Variants in RNF220 observed in about 807,000 individuals in gnomAD.
The protein encoded by RNF220 is ring finger protein 220.
A neutral mutation model predicts 67.1 loss-of-function variants in RNF220; 7 were observed. That is an observed-to-expected ratio of 0.10 (90% CI 0.06 to 0.20). RNF220 has a LOEUF of 0.20. RNF220 is among the 10% of genes least tolerant of loss of function. The pLI is 1.00. For synonymous variants in RNF220, 270 were observed against 283.2 expected (o/e 0.95, Z 0.47); for missense variants, 565 against 740.3 (o/e 0.76, Z 2.75).
At chr1:44,405,665 G>C (rs539984101) in intron 1 of RNF220, 135 bp downstream of exon 1, 30 of 241,608 alleles carry the variant, frequency 1.2e-4, no homozygotes, top group Non-Finnish European at 7.1e-5. Context: ...CCCTCTGGAC[G>C]GGGGCAGGGA....
intron 3 of RNF220, among the ~76,000 whole-genome samples, chr1:44,618,078 C>T (rs1643637476): frequency 6.6e-6 from 1 of 152,214 alleles, no homozygotes; most frequent in African/African-American, 2.4e-5. Flanking sequence ...CCCCCCTCCA[C>T]TTGACTGCAT....
chr1:44,550,192 A>C (rs1662513753), intron 2 of RNF220, among the ~76,000 whole-genome samples: 1 of 152,212 alleles, frequency 6.6e-6, no homozygotes, highest in South Asian at 2.1e-4. Flanking sequence ...GTCCCTCCAC[A>C]GTCCCCTTGG....
intron 2 of RNF220, among the ~76,000 whole-genome samples, chr1:44,421,200 G>A (rs1302104111): frequency 6.6e-6 from 1 of 152,178 alleles, no homozygotes; most frequent in East Asian, 1.9e-4. Context: ...TTTGACTCGG[G>A]TTGGATATCT....
intron 9 of RNF220, 91 bp downstream of exon 9, chr1:44,644,885 C>T (rs41269055): frequency 0.011 from 16,933 of 1,501,944 alleles, 122 homozygotes; most frequent in Non-Finnish European, 0.014. Flanking sequence ...ACCTGCACCA[C>T]CCCCCGGGCC....
intron 2 of RNF220, among the ~76,000 whole-genome samples, chr1:44,547,061 C>G (rs962953641): frequency 1.3e-5 from 2 of 152,292 alleles, no homozygotes; most frequent in East Asian, 3.9e-4. Flanking sequence ...ATGCTTCCTC[C>G]AGGGTGCCTG....
intron 2 of RNF220, among the ~76,000 whole-genome samples, chr1:44,460,087 T>C (rs1312708909): frequency 6.6e-6 from 1 of 152,170 alleles, no homozygotes; most frequent in East Asian, 1.9e-4. Flanking sequence ...CAATTATAGC[T>C]TAATCCCAAC....
Position 44,412,275 on chromosome 1 carries a change from A to G in RNF220, c.178A>G (p.Ile60Val), listed in dbSNP as rs1352573134. The stretch of plus-strand genomic sequence containing the variant: ...TGTCTCAGTTGACAAGGACGTGCAT[A>G]TTCCTTTCACCAACGGTTCCTATAC... Reference protein sequence around the residue: ...VPVSVDKDVHIPFTNGSYTFA... With the variant: ...VPVSVDKDVHVPFTNGSYTFA... The change falls in exon 2 of 15, where the codon ATT becomes GTT. Residue 60 changes from isoleucine to valine, a missense_variant. Physicochemically the swap from Ile to Val is conservative, Grantham distance 29. Transcript: ENST00000361799. This position sits in a 1 kb window ranked among gnomAD's most constrained non-coding sequence, Gnocchi z 5.3. The G allele has an allele frequency of 6.8e-6, 11 of 1,614,056 alleles. No individual in the cohort carries two copies. The highest frequency in any genetic ancestry group is 8.5e-6 in the Non-Finnish European group (10 of 1,180,032).
At chr1:44,576,168 C>T (rs1244078157) in intron 2 of RNF220, among the ~76,000 whole-genome samples, 1 of 152,232 alleles carries the variant, frequency 6.6e-6, no homozygotes, top group Non-Finnish European at 1.5e-5. Flanking sequence ...GCAACAAATG[C>T]TTTCCAAGTC....
chr1:44,627,560 T>G (rs1643993822), intron 5 of RNF220, among the ~76,000 whole-genome samples: 1 of 151,510 alleles, frequency 6.6e-6, no homozygotes, highest in African/African-American at 2.4e-5. Flanking sequence ...TTCTCTGGAG[T>G]AGGAAGGACA....
intron 2 of RNF220, among the ~76,000 whole-genome samples, chr1:44,418,381 A>G (rs943829442): frequency 2.0e-5 from 3 of 152,148 alleles, no homozygotes; most frequent in Non-Finnish European, 4.4e-5. Context: ...TTTCGGCTTG[A>G]AATGTTTTTC....
At position 44,405,453 on chromosome 1, in the gene RNF220, T is replaced by C. The variant is rs1309016621; in HGVS notation, c.-195T>C. ...GCCGGCTCTGCGAACCCGGGACTTT[T>C]CATGCACCACACTCTCCGCCTGCTT... On this transcript the variant is annotated 5_prime_UTR_variant, in exon 1 of 15. Coordinates refer to ENST00000361799, the MANE Select transcript of RNF220 (RefSeq NM_018150.4). 3.3e-5 allele frequency: 20 copies of C among 600,608 alleles called. No individual in the cohort carries two copies. The highest frequency in any genetic ancestry group is 4.8e-5 in the Non-Finnish European group (16 of 335,870). The allele number at this position is 600,608 out of a possible 1,614,324, so 37.2% of individuals were successfully genotyped here. A position where few individuals can be genotyped will look rare whatever the true frequency, so the allele number is the denominator to read the frequency against.
chr1:44,455,458 CT>C (rs1311360338), intron 2 of RNF220, among the ~76,000 whole-genome samples: 2 of 152,120 alleles, frequency 1.3e-5, no homozygotes, highest in African/African-American at 2.4e-5. Context: ...TTCTAATAGT[CT>C]TGTTGCCAGT....
intron 2 of RNF220, among the ~76,000 whole-genome samples, chr1:44,554,845 C>T (rs528183237): frequency 6.6e-6 from 1 of 152,254 alleles, no homozygotes; most frequent in South Asian, 2.1e-4. Flanking sequence ...ATCTCCACTG[C>T]TTGGTTGTTC....
intron 2 of RNF220, among the ~76,000 whole-genome samples, chr1:44,607,048 C>G (rs1339987722): frequency 6.6e-6 from 1 of 152,186 alleles, no homozygotes; most frequent in Admixed American, 6.5e-5. Flanking sequence ...AAGCGAGAAA[C>G]CTTAGAGTCA....
chr1:44,522,406 A>G (rs908246425), intron 2 of RNF220, among the ~76,000 whole-genome samples: 3 of 152,196 alleles, frequency 2.0e-5, no homozygotes, highest in Non-Finnish European at 4.4e-5. Flanking sequence ...GCACCCAATA[A>G]ATGTGAGGCC....
intron 2 of RNF220, among the ~76,000 whole-genome samples, chr1:44,542,407 A>G (rs1661744396): frequency 6.6e-6 from 1 of 152,220 alleles, no homozygotes; most frequent in Non-Finnish European, 1.5e-5. Flanking sequence ...TGCCCTGCCC[A>G]TGCCCCTGTA....
At chr1:44,513,955 G>A (rs922008867) in intron 2 of RNF220, among the ~76,000 whole-genome samples, 1 of 152,242 alleles carries the variant, frequency 6.6e-6, no homozygotes, top group Non-Finnish European at 1.5e-5. Flanking sequence ...AAGAGCCTAA[G>A]AGAAGAAGGG....
At chr1:44,632,621 C>A in intron 6 of RNF220, 1 of 579,886 alleles carries the variant, frequency 1.7e-6, no homozygotes, top group Non-Finnish European at 3.1e-6. Context: ...CCTGAAGAAC[C>A]CTGGGGGGGC....
rs56375404 is a variant in RNF220, at chr1:44,597,468, GCACACACACACACACACACA to G, written c.626-16673_626-16654del. 2.5e-3 allele frequency among the ~76,000 whole-genome samples: 340 copies of G among 135,744 alleles called. 3 individuals carry two copies. Among genetic ancestry groups the G allele is most frequent in the African/African-American group, 9.0e-3 (327 of 36,186 alleles). 89.1% of individuals were successfully genotyped at this position (135,744 alleles called of 152,430 possible). On this transcript the variant is annotated intron_variant, in intron 2 of 14. Coordinates refer to ENST00000361799, the MANE Select transcript of RNF220 (RefSeq NM_018150.4). The stretch of plus-strand genomic sequence containing the variant: ...ACGCCCTTCTCTCTCTCTCTCTCAT[GCACACACACACACACACACA>G]CACACACACACACACACACACACGA...
Sources: allele counts gnomAD v4.1 joint callset (sites outside exome capture counted in the v4.1 genomes callset), GRCh38; gene constraint gnomAD v4.1.1; non-coding constraint Gnocchi (gnomAD v3.1); transcripts MANE v1.5; gene names NCBI Gene and HGNC (gene_info 2026-07-23, HGNC 2026-07-21).